The following MED13L variants were observed in gnomAD, a reference collection of about 807,000 sequenced individuals.
MED13L encodes mediator complex subunit 13L.
In MED13L, 7 loss-of-function variants were observed where a neutral mutation model predicts 220.9. That is an observed-to-expected ratio of 0.03 (90% CI 0.02 to 0.06). The LOEUF is 0.06. Among genes scored for constraint, MED13L ranks in the 10% least tolerant of loss-of-function variants. The pLI is 1.00. For synonymous variants in MED13L, 1,011 were observed against 1,015.2 expected, an observed-to-expected ratio of 1.00 and a Z score of 0.08; for missense variants, 1,965 against 2,760.5, an observed-to-expected ratio of 0.71 and a Z score of 6.46.
intron 4 of MED13L, among the ~76,000 whole-genome samples, chr12:116,031,297 G>A (rs1403313659): frequency 6.6e-6 from 1 of 151,916 alleles, no homozygotes; most frequent in Non-Finnish European, 1.5e-5. Context: ...AATTAGAAAG[G>A]GGCCGGGTGC....
intron 2 of MED13L, among the ~76,000 whole-genome samples, chr12:116,207,136 A>C (rs1283520126): frequency 6.6e-6 from 1 of 152,140 alleles, no homozygotes; most frequent in Non-Finnish European, 1.5e-5. Flanking sequence ...TAATATAATA[A>C]AACTGAATTT....
intron 4 of MED13L, among the ~76,000 whole-genome samples, chr12:116,046,740 G>A (rs529964321): frequency 1.3e-5 from 2 of 152,240 alleles, no homozygotes; most frequent in Admixed American, 6.5e-5. Context: ...TTGGGAGGAC[G>A]AGACAGACGG....
chr12:116,138,351 G>A (rs1242148569), intron 2 of MED13L, among the ~76,000 whole-genome samples: 1 of 152,144 alleles, frequency 6.6e-6, no homozygotes, highest in Admixed American at 6.5e-5. Context: ...TTGCTGTTAC[G>A]TACAGGGACT....
intron 4 of MED13L, among the ~76,000 whole-genome samples, chr12:116,023,465 C>A (rs1191957092): frequency 6.6e-6 from 1 of 152,084 alleles, no homozygotes; most frequent in Non-Finnish European, 1.5e-5. Flanking sequence ...AGCCAAGCAA[C>A]CACAATTTTT....
chr12:116,245,358 T>A (rs2138494510), intron 1 of MED13L, among the ~76,000 whole-genome samples: 2 of 152,230 alleles, frequency 1.3e-5, no homozygotes, highest in Middle Eastern at 6.8e-3. Flanking sequence ...CCCACCCAGA[T>A]CAGTGAGGCG....
At chr12:115,978,466 A>G (rs1223352076) in intron 23 of MED13L, among the ~76,000 whole-genome samples, 4 of 151,590 alleles carry the variant, frequency 2.6e-5, no homozygotes, top group African/African-American at 9.7e-5. Context: ...AGCTGGGATT[A>G]TAGGCATCCG....
At position 116,229,496 on chromosome 12, in the gene MED13L, C is replaced by G. The variant is rs770124294; in HGVS notation, c.310+7972G>C. Among the ~76,000 whole-genome samples, 194 of 152,122 alleles carry G rather than the reference C, an allele frequency of 1.3e-3. 4 individuals are homozygous for G. The highest frequency in any genetic ancestry group is 4.7e-4 in the Non-Finnish European group (32 of 68,010). On this transcript the variant is annotated intron_variant, in intron 2 of 30. Coordinates refer to ENST00000281928, the MANE Select transcript of MED13L (RefSeq NM_015335.5). ...TAGAACATAAGCCCTTTACATGCTACTTTAACACAATCTCAGTATGTCTCA... is the reference window on the plus strand; with the variant it reads ...TAGAACATAAGCCCTTTACATGCTAGTTTAACACAATCTCAGTATGTCTCA...
At chr12:116,221,236 G>A (rs887547645) in intron 2 of MED13L, among the ~76,000 whole-genome samples, 5 of 151,960 alleles carry the variant, frequency 3.3e-5, no homozygotes, top group Admixed American at 3.3e-4. Flanking sequence ...TTGGCAATGT[G>A]TGGTGGTACA....
At position 115,975,318 on chromosome 12, in the gene MED13L, CAAAT is replaced by C; in HGVS notation, c.5589-9_5589-6del. The C allele has an allele frequency of 1.9e-6, 3 of 1,614,008 alleles. No homozygotes were observed. Among genetic ancestry groups the C allele is most frequent in the Non-Finnish European group, 2.5e-6 (3 of 1,179,980 alleles). On this transcript the variant is annotated splice_region_variant and splice_polypyrimidine_tract_variant and intron_variant, in intron 24 of 30. Coordinates refer to ENST00000281928, the MANE Select transcript of MED13L (RefSeq NM_015335.5). ...GATACTTTACTCCTCCGTGACCTAACAAATAAAGAAATGGGGAAGGGGAAGGGGT... is the reference window on the plus strand; with the variant it reads ...GATACTTTACTCCTCCGTGACCTAACAAAGAAATGGGGAAGGGGAAGGGGT...
intron 9 of MED13L, among the ~76,000 whole-genome samples, chr12:116,012,514 T>G (rs910112896): frequency 1.3e-5 from 2 of 152,342 alleles, no homozygotes; most frequent in South Asian, 4.1e-4. Context: ...TAAAGTCATT[T>G]AAAGGGCTAA....
At position 116,016,441 on chromosome 12, in the gene MED13L, A is replaced by G. The variant is rs187224038; in HGVS notation, c.1010-1167T>C. On this transcript the variant is annotated intron_variant, in intron 7 of 30. Coordinates refer to ENST00000281928, the MANE Select transcript of MED13L (RefSeq NM_015335.5). ...AGTTCCCAACTTGGTTCATGATGCAAAAGAATTAATTTCAATTTTACAATT... is the reference window on the plus strand; with the variant it reads ...AGTTCCCAACTTGGTTCATGATGCAGAAGAATTAATTTCAATTTTACAATT... 7.9e-3 allele frequency among the ~76,000 whole-genome samples: 1,202 copies of G among 152,314 alleles called. 10 individuals are homozygous for G. The highest frequency in any genetic ancestry group is 0.028 in the African/African-American group (1,159 of 41,560).
chr12:115,972,394 G>T (rs915069045), intron 25 of MED13L, 158 bp from the exon 26 acceptor site: 2 of 812,672 alleles, frequency 2.5e-6, no homozygotes, highest in Non-Finnish European at 4.0e-6. Context: ...TATAGAGAAT[G>T]TTACTCGACT....
At chr12:116,117,082 A>G (rs1874586568) in intron 2 of MED13L, among the ~76,000 whole-genome samples, 1 of 152,012 alleles carries the variant, frequency 6.6e-6, no homozygotes, top group Non-Finnish European at 1.5e-5. Flanking sequence ...GGGAAAAACA[A>G]TGAAATATCT....
chr12:116,160,680 C>G (rs944370567), intron 2 of MED13L, among the ~76,000 whole-genome samples: 4 of 151,986 alleles, frequency 2.6e-5, no homozygotes, highest in African/African-American at 9.7e-5. Flanking sequence ...AGCAGCCATT[C>G]TCCTACCTCA....
intron 2 of MED13L, chr12:116,230,507 T>C (rs1205498080): frequency 4.7e-5 from 46 of 983,470 alleles, no homozygotes; most frequent in Non-Finnish European, 5.6e-5. Context: ...ATCATTCATG[T>C]TTTCAAAATC....
At chr12:115,976,560 A>G (rs1009021419) in intron 23 of MED13L, among the ~76,000 whole-genome samples, 3 of 152,208 alleles carry the variant, frequency 2.0e-5, no homozygotes, top group Non-Finnish European at 2.9e-5. Flanking sequence ...TTGTTAAATG[A>G]TATTTTTTTA....
At chr12:116,237,182 G>T (rs898618628) in intron 2 of MED13L, among the ~76,000 whole-genome samples, 7 of 152,050 alleles carry the variant, frequency 4.6e-5, no homozygotes, top group African/African-American at 1.7e-4. Context: ...AAAAACAGTG[G>T]ATCTTAGCCT....
chr12:116,188,367 T>C (rs1881039173), intron 2 of MED13L, among the ~76,000 whole-genome samples: 1 of 149,040 alleles, frequency 6.7e-6, no homozygotes, highest in Non-Finnish European at 1.5e-5. Context: ...TTACAAAGAA[T>C]GAAAACAGTC....
At chr12:116,249,734 CAAAAAAAAA>C (rs58809334) in intron 1 of MED13L, among the ~76,000 whole-genome samples, 36 of 19,620 alleles carry the variant, frequency 1.8e-3, no homozygotes, top group African/African-American at 6.6e-3. Context: ...AGTACCTACC[CAAAAAAAAA>C]AAAAAAAAAA....
Sources: gnomAD v4.1 joint callset for allele counts (sites outside exome capture counted in the v4.1 genomes callset) on GRCh38, gnomAD v4.1.1 for gene constraint, MANE v1.5 for transcripts, NCBI Gene and HGNC (gene_info 2026-07-23, HGNC 2026-07-21) for gene names.